Variants in LRRC38 observed in about 807,000 individuals in gnomAD.
LRRC38 encodes leucine rich repeat containing 38.
Under a neutral mutation model 16.4 loss-of-function variants are expected in LRRC38, and 5 were observed. That is an observed-to-expected ratio of 0.31 (90% confidence interval 0.16 to 0.64). LRRC38 has a LOEUF of 0.64. LRRC38 is among the 30% of genes least tolerant of loss of function. LRRC38 has a pLI of 0.80. For missense variants in LRRC38, 341 were observed against 401.8 expected (o/e 0.85, Z 1.29); for synonymous variants, 191 against 190.2 (o/e 1.00, Z -0.04).
At chr1:13,480,719 G>A (rs1041214487) in intron 1 of LRRC38, among the ~76,000 whole-genome samples, 17 of 152,068 alleles carry the variant, frequency 1.1e-4, no homozygotes, top group East Asian at 3.9e-4. Context: ...CGTGTAAGAC[G>A]TGAGTTTGCT....
At chr1:13,512,523 T>A (rs1156333737) in intron 1 of LRRC38, among the ~76,000 whole-genome samples, 1 of 152,064 alleles carries the variant, frequency 6.6e-6, no homozygotes. Context: ...AGAGGCCAGG[T>A]TAGGCTCGGG....
chr1:13,513,034 G>C lies in LRRC38; in HGVS notation c.560C>G (p.Pro187Arg). ...ALRSLRLDGN[P>R]WLCDCDFAHL... ...GGCGAAGTCACAGTCGCACAGCCAG[G>C]GGTTCCCGTCCAGACGCAGGGAGCG... The change falls in exon 1 of 2, where the codon CCC becomes CGC. Residue 187 changes from proline to arginine, a missense_variant. By Grantham distance (103) the Pro-to-Arg change is moderately radical. Transcript: ENST00000376085. 6.5e-7 allele frequency: 1 copy of C among 1,550,014 alleles called. No individual in the cohort carries two copies. The highest frequency in any genetic ancestry group is 8.7e-7 in the Non-Finnish European group (1 of 1,146,712).
Position 13,496,918 on chromosome 1 carries a change from G to A in LRRC38, c.631+16045C>T, listed in dbSNP as rs556749789. On this transcript the variant is annotated intron_variant, in intron 1 of 1. Coordinates refer to ENST00000376085, the MANE Select transcript of LRRC38 (RefSeq NM_001010847.2). ...GGGAGAAGGTGGCATTTGAGAAAGGGTCTGACGGGAGGGAGGGGCCAAGTC... is the reference window on the plus strand; with the variant it reads ...GGGAGAAGGTGGCATTTGAGAAAGGATCTGACGGGAGGGAGGGGCCAAGTC... Among the ~76,000 whole-genome samples, 13 of 152,276 alleles carry A rather than the reference G, an allele frequency of 8.5e-5. 1 individual carries two copies. In the South Asian group the frequency reaches 2.7e-3, roughly 32 times the overall value.
In LRRC38 at chr1:13,513,359, AG is replaced by A. The variant is rs1291305777; in HGVS notation, c.234del (p.Tyr79ThrfsTer38). The A allele has an allele frequency of 3.2e-6, 5 of 1,550,834 alleles. No homozygotes were observed. In the East Asian group the frequency reaches 1.2e-4, roughly 38 times the overall value. On this transcript the variant is annotated frameshift_variant, in exon 1 of 2. Coordinates refer to ENST00000376085, the MANE Select transcript of LRRC38 (RefSeq NM_001010847.2). LOFTEE classifies it high-confidence loss of function. ...IQRIPEDFFI[F>X]YGDLVYLDFR... Reference sequence around the variant, plus strand: ...AAGTCCAGGTAGACCAGGTCGCCGTAGAAGATGAAGAAGTCCTCGGGGATCC... The same window carrying A: ...AAGTCCAGGTAGACCAGGTCGCCGTAAAGATGAAGAAGTCCTCGGGGATCC...
At chr1:13,497,243 C>A (rs1361750576) in intron 1 of LRRC38, among the ~76,000 whole-genome samples, 2 of 152,154 alleles carry the variant, frequency 1.3e-5, no homozygotes, top group African/African-American at 4.8e-5. Context: ...CAGGGAGGGG[C>A]CGCTGCTCCA....
chr1:13,476,950 A>T lies in LRRC38; in HGVS notation c.632-851T>A, dbSNP rs1638795065. ...CCTGTTTCTACTAAAAATACAAAAT[A>T]CAAAATTAGCCGGGCATGGTGGTGT... On this transcript the variant is annotated intron_variant, in intron 1 of 1. Coordinates refer to ENST00000376085, the MANE Select transcript of LRRC38 (RefSeq NM_001010847.2). Among the ~76,000 whole-genome samples the T allele has an allele frequency of 3.9e-5, 6 of 152,150 alleles. No homozygotes were observed. The South Asian group carries it at 1.2e-3, about 32-fold the overall frequency.
chr1:13,481,385 A>AT (rs201732940), intron 1 of LRRC38, among the ~76,000 whole-genome samples: 3,198 of 115,226 alleles, frequency 0.028, 58 homozygotes, highest in Middle Eastern at 0.043. Context: ...TGTTTTTTTT[A>AT]TTTTTTTTTT....
intron 1 of LRRC38, among the ~76,000 whole-genome samples, chr1:13,504,905 C>T (rs12733022): frequency 0.083 from 12,626 of 151,884 alleles, 655 homozygotes; most frequent in South Asian, 0.14. Context: ...AAAAAACAAA[C>T]AGTATGAGAA....
chr1:13,498,405 G>T (rs1639108356), intron 1 of LRRC38, among the ~76,000 whole-genome samples: 2 of 152,130 alleles, frequency 1.3e-5, no homozygotes, highest in South Asian at 2.1e-4. Context: ...GCTGAGGCAG[G>T]GGGAATCACA....
chr1:13,513,558 C>A lies in LRRC38; in HGVS notation c.36G>T (p.Ala12=), dbSNP rs1639302862. The A allele has an allele frequency of 4.9e-6, 6 of 1,233,076 alleles. No individual in the cohort carries two copies. Among genetic ancestry groups the A allele is most frequent in the Non-Finnish European group, 6.1e-6 (6 of 989,436 alleles). The allele number at this position is 1,233,076 out of a possible 1,614,324, so 76.4% of individuals were successfully genotyped here. A position where few individuals can be genotyped will look rare whatever the true frequency, so the allele number is the denominator to read the frequency against. ...RPRAPACAAA[A]LGLCSLLLLL... ...GCAGCAGAAGGCTGCAGAGCCCGAG[C>A]GCCGCGGCGGCGCAGGCTGGGGCTC... The change falls in exon 1 of 2, where the codon GCG becomes GCT. Residue 12 remains alanine (A), a synonymous_variant. Transcript: ENST00000376085.
Position 13,487,252 on chromosome 1 carries a change from G to A in LRRC38, c.632-11153C>T, listed in dbSNP as rs1003734386. ...TGGATTCTAGGACAACGGAATTCAA[G>A]AACGAATTGGGCTCCTGTCCTAACT... On this transcript the variant is annotated intron_variant, in intron 1 of 1. Coordinates refer to ENST00000376085, the MANE Select transcript of LRRC38 (RefSeq NM_001010847.2). The surrounding 1 kb of genome is among the most constrained non-coding windows in gnomAD (Gnocchi z 4.4). Among the ~76,000 whole-genome samples, 3 of 152,188 alleles carry A rather than the reference G, an allele frequency of 2.0e-5. No homozygotes were observed. The highest frequency in any genetic ancestry group is 7.2e-5 in the African/African-American group (3 of 41,460).
chr1:13,509,022 G>A (rs905920729), intron 1 of LRRC38, among the ~76,000 whole-genome samples: 3 of 152,104 alleles, frequency 2.0e-5, no homozygotes, highest in African/African-American at 7.2e-5. Context: ...GCCCCATGGG[G>A]TACCCAAGCC....
rs3013105 is a variant in LRRC38 at position 13,475,857 on chromosome 1, T to C, written c.874A>G (p.Lys292Glu). 627,989 of 1,549,010 alleles carry C rather than the reference T, an allele frequency of 0.41. 129,448 individuals carry two copies. Among genetic ancestry groups the C allele is most frequent in the East Asian group, 0.6 (24,482 of 40,868 alleles). ...NKDAEDEDED[K>E]DD ...AGGGAGGAGGTGGCTCAGTCATCCT[T>C]GTCCTCGTCTTCATCCTCCGCATCT... Residue 292 changes from lysine to glutamate, a missense_variant, in exon 2 of 2, where the codon AAG becomes GAG. Coordinates refer to ENST00000376085, the MANE Select transcript of LRRC38 (RefSeq NM_001010847.2). The surrounding 1 kb of genome is among the most constrained non-coding windows in gnomAD (Gnocchi z 4.3).
intron 1 of LRRC38, among the ~76,000 whole-genome samples, chr1:13,508,850 C>T (rs1639241712): frequency 6.6e-6 from 1 of 152,088 alleles, no homozygotes; most frequent in African/African-American, 2.4e-5. Flanking sequence ...CAAACCAGGC[C>T]CTCACAGTGT....
intron 1 of LRRC38, among the ~76,000 whole-genome samples, chr1:13,477,430 G>C (rs1201882969): frequency 6.6e-6 from 1 of 152,174 alleles, no homozygotes; most frequent in Admixed American, 6.5e-5. Flanking sequence ...GATAAAGAAA[G>C]TCTGGGACAA....
chr1:13,513,048 A>ACGCAGGGAGCGCAG lies in LRRC38; in HGVS notation c.532_545dup (p.Leu183CysfsTer143), dbSNP rs1553137366. ...CGCACAGCCAGGGGTTCCCGTCCAG[A>ACGCAGGGAGCGCAG]CGCAGGGAGCGCAGCGCGGGCAGCG... On this transcript the variant is annotated frameshift_variant, in exon 1 of 2. Transcript: ENST00000376085. LOFTEE classifies it high-confidence loss of function. 1.3e-6 allele frequency: 2 copies of ACGCAGGGAGCGCAG among 1,549,906 alleles called. No individual in the cohort carries two copies. Among genetic ancestry groups the ACGCAGGGAGCGCAG allele is most frequent in the Non-Finnish European group, 1.7e-6 (2 of 1,146,730 alleles).
intron 1 of LRRC38, among the ~76,000 whole-genome samples, chr1:13,511,675 C>T (rs1490326796): frequency 6.6e-6 from 1 of 152,100 alleles, no homozygotes; most frequent in Non-Finnish European, 1.5e-5. Context: ...TCCGGTCACT[C>T]CTGTCTCCAG....
At chr1:13,499,009 T>G (rs1639115950) in intron 1 of LRRC38, among the ~76,000 whole-genome samples, 1 of 152,162 alleles carries the variant, frequency 6.6e-6, no homozygotes, top group South Asian at 2.1e-4. Context: ...TCTCCCGGTG[T>G]GCGTGTCTGT....
intron 1 of LRRC38, among the ~76,000 whole-genome samples, chr1:13,481,776 TCTCCCTCTCTCC>T (rs1258828596): frequency 0.17 from 6,225 of 36,522 alleles, 155 homozygotes; most frequent in South Asian, 0.34. Flanking sequence ...TCTCTCCCTC[TCTCCCTCTCTCC>T]CTCTCTCTCT....
Sources: allele counts gnomAD v4.1 joint callset (sites outside exome capture counted in the v4.1 genomes callset), GRCh38; gene constraint gnomAD v4.1.1; non-coding constraint Gnocchi (gnomAD v3.1); transcripts MANE v1.5; gene names NCBI Gene and HGNC (gene_info 2026-07-23, HGNC 2026-07-21).